CGGBP1: variants seen among roughly 807,000 people sequenced by gnomAD.
CGGBP1 encodes CGG triplet repeat binding protein 1.
CGGBP1 carries 4 observed loss-of-function variants against 11.4 expected under a neutral mutation model. The observed-to-expected ratio is 0.35, with a 90% CI of 0.17 to 0.80. The LOEUF is 0.80. CGGBP1 is among the 30% of genes least tolerant of loss of function. CGGBP1 has a pLI of 0.52. For synonymous variants in CGGBP1, 76 were observed against 74.1 expected, an observed-to-expected ratio of 1.03 and a Z score of -0.13; for missense variants, 135 against 202.1, an observed-to-expected ratio of 0.67 and a Z score of 2.01.
intron 2 of CGGBP1, among the ~76,000 whole-genome samples, chr3:88,091,240 A>C (rs1414411419): frequency 2.0e-5 from 3 of 152,248 alleles, no homozygotes; most frequent in Non-Finnish European, 4.4e-5. Context: ...TCAGAACCAC[A>C]GAAGTGTTGG....
intron 2 of CGGBP1, chr3:88,129,857 G>A: frequency 7.3e-7 from 1 of 1,378,552 alleles, no homozygotes; most frequent in Non-Finnish European, 9.5e-7. Flanking sequence ...AAATTGAAAT[G>A]GTAAGATGGG....
chr3:88,144,944 T>C (rs2107918003), intron 1 of CGGBP1, among the ~76,000 whole-genome samples: 1 of 152,124 alleles, frequency 6.6e-6, no homozygotes, highest in South Asian at 2.1e-4. Context: ...GGTAAGTGGG[T>C]TCAGTGTGAT....
At chr3:88,082,114 C>G (rs1708107372) in intron 2 of CGGBP1, among the ~76,000 whole-genome samples, 1 of 151,658 alleles carries the variant, frequency 6.6e-6, no homozygotes, top group Non-Finnish European at 1.5e-5. Context: ...GACACGTCTT[C>G]TGGTTTGTTA....
chr3:88,074,343 A>ATT (rs1707680670), intron 2 of CGGBP1, among the ~76,000 whole-genome samples: 2 of 53,908 alleles, frequency 3.7e-5, no homozygotes, highest in Non-Finnish European at 9.7e-5. Flanking sequence ...TTTATATCTT[A>ATT]CTTTTTTTTT....
upstream of CGGBP1, chr3:88,059,021 C>T: frequency 2.3e-6 from 1 of 433,454 alleles, no homozygotes; most frequent in Non-Finnish European, 4.0e-6. Flanking sequence ...AGCCCGTAGG[C>T]GGTCCCCAGC....
In CGGBP1 at chr3:88,093,812, G is replaced by C. The variant is rs570639453; in HGVS notation, c.-228-35589C>G. Reference sequence around the variant, plus strand: ...TTTCAACTAATTTAGGAAATGACTTGGAAATAAAGGAAGAAAGGCTAATTA... The same window carrying C: ...TTTCAACTAATTTAGGAAATGACTTCGAAATAAAGGAAGAAAGGCTAATTA... On this transcript the variant is annotated intron_variant, in intron 2 of 3. Transcript: ENST00000462901. Among the ~76,000 whole-genome samples, 3 of 152,258 alleles carry C rather than the reference G, an allele frequency of 2.0e-5. No homozygotes were observed. The South Asian group carries it at 6.2e-4, about 32-fold the overall frequency.
rs1229744501 is a variant in CGGBP1 at position 88,140,162 on chromosome 3, G to C, written c.-229+808C>G. Reference sequence around the variant, plus strand: ...ACGAGTCGTTTAAGCTGCCGTTCCAGCTTGCCCAGCACACAAAAAGTCACA... The same window carrying C: ...ACGAGTCGTTTAAGCTGCCGTTCCACCTTGCCCAGCACACAAAAAGTCACA... On this transcript the variant is annotated intron_variant, in intron 2 of 3. Transcript: ENST00000462901. 4 of 1,613,744 alleles carry C rather than the reference G, an allele frequency of 2.5e-6. No individual in the cohort carries two copies. The South Asian group carries it at 3.3e-5, about 13-fold the overall frequency.
At position 88,106,857 on chromosome 3, in the gene CGGBP1, A is replaced by C. The variant is rs560164853; in HGVS notation, c.-229+34113T>G. Among the ~76,000 whole-genome samples, 6 of 152,268 alleles carry C rather than the reference A, an allele frequency of 3.9e-5. No individual in the cohort carries two copies. In the South Asian group the frequency reaches 1.2e-3, roughly 32 times the overall value. ...TATAATTTTTAACATTTGGCTGTCC[A>C]GTATGAAGAAGTGAATTTTTCCCTG... On this transcript the variant is annotated intron_variant, in intron 2 of 3. Coordinates refer to the CGGBP1 transcript ENST00000462901.
chr3:88,114,965 C>T (rs1334862298), intron 2 of CGGBP1, among the ~76,000 whole-genome samples: 1 of 152,206 alleles, frequency 6.6e-6, no homozygotes, highest in Non-Finnish European at 1.5e-5. Flanking sequence ...ATAAATTATA[C>T]TGTGCAAGTT....
rs553674284 is a variant in CGGBP1 at position 88,118,831 on chromosome 3, T to G, written c.-229+22139A>C. ...ACTGTGTGACAAATCAAAACCACAA[T>G]GAGATACCATCTCACACCAGTTAGA... On this transcript the variant is annotated intron_variant, in intron 2 of 3. Coordinates refer to the CGGBP1 transcript ENST00000462901. Among the ~76,000 whole-genome samples the G allele has an allele frequency of 1.3e-3, 194 of 152,160 alleles. 1 individual carries two copies. Among genetic ancestry groups the G allele is most frequent in the Non-Finnish European group, 1.7e-3 (116 of 67,990 alleles).
chr3:88,084,303 A>G lies in CGGBP1; in HGVS notation c.-228-26080T>C, dbSNP rs149915139. On this transcript the variant is annotated intron_variant, in intron 2 of 3. Transcript: ENST00000462901. ...GGAGCAGATAAGGTTGCAAGTAAAC[A>G]TGGACTGGGAACAAGAAAAATGTGA... Among the ~76,000 whole-genome samples, 811 of 152,300 alleles carry G rather than the reference A, an allele frequency of 5.3e-3. 5 individuals carry two copies. The highest frequency in any genetic ancestry group is 0.017 in the African/African-American group (697 of 41,570).
At chr3:88,146,458 T>C (rs779254352) in intron 1 of CGGBP1, among the ~76,000 whole-genome samples, 7 of 152,224 alleles carry the variant, frequency 4.6e-5, no homozygotes, top group Admixed American at 2.0e-4. Flanking sequence ...TGTTGTTTTT[T>C]GCTCAAGTTG....
intron 2 of CGGBP1, among the ~76,000 whole-genome samples, chr3:88,088,113 A>C (rs1267540150): frequency 6.6e-6 from 1 of 152,230 alleles, no homozygotes; most frequent in Non-Finnish European, 1.5e-5. Context: ...ATATAAATTA[A>C]ATAACCTTGG....
intron 2 of CGGBP1, chr3:88,139,628 C>T: frequency 6.2e-7 from 1 of 1,613,374 alleles, no homozygotes; most frequent in Non-Finnish European, 8.5e-7. Flanking sequence ...ACAAAGAAGT[C>T]ATCCCTGAGC....
intron 1 of CGGBP1, 137 bp downstream of exon 1, chr3:88,058,678 C>G (rs1040935796): frequency 1.3e-5 from 2 of 152,300 alleles, no homozygotes; most frequent in African/African-American, 2.4e-5. Context: ...GTCAAGCTTC[C>G]CGTCTCCTCC....
rs139885881 is a variant in CGGBP1, at chr3:88,088,744, T to G, written c.-228-30521A>C. On this transcript the variant is annotated intron_variant, in intron 2 of 3. Transcript: ENST00000462901. ...AGGCAGTTTAAAAAAAAACCTTTAT[T>G]TATGTATGTATGTATGTATGGATGG... 3.2e-3 allele frequency among the ~76,000 whole-genome samples: 474 copies of G among 148,626 alleles called. 3 individuals are homozygous for G. The highest frequency in any genetic ancestry group is 5.4e-3 in the Non-Finnish European group (360 of 67,284).
At chr3:88,065,935 A>G (rs1707173184) in intron 2 of CGGBP1, among the ~76,000 whole-genome samples, 1 of 152,148 alleles carries the variant, frequency 6.6e-6, no homozygotes, top group Non-Finnish European at 1.5e-5. Flanking sequence ...AGGTTTTACC[A>G]TGATCTGCAG....
At chr3:88,085,257 G>A (rs2107658303) in intron 2 of CGGBP1, among the ~76,000 whole-genome samples, 1 of 152,230 alleles carries the variant, frequency 6.6e-6, no homozygotes, top group East Asian at 1.9e-4. Flanking sequence ...AAATATTTAA[G>A]GCTTTGTAAG....
rs1706497168 is a variant in CGGBP1, at chr3:88,054,522, T to C, written c.*951A>G. Reference sequence around the variant, plus strand: ...GTAAACTTGTTTCTAGTCTAGACTATTCACCTAAATAAACTCATAAAGTTG... The same window carrying C: ...GTAAACTTGTTTCTAGTCTAGACTACTCACCTAAATAAACTCATAAAGTTG... On this transcript the variant is annotated 3_prime_UTR_variant, in exon 4 of 4. Transcript: ENST00000482016. 6.6e-6 allele frequency: 1 copy of C among 152,308 alleles called. No individual in the cohort carries two copies. The highest frequency in any genetic ancestry group is 2.1e-4 in the South Asian group (1 of 4,828). 9.4% of individuals were successfully genotyped at this position (152,308 alleles called of 1,614,324 possible).
Sources: gnomAD v4.1 joint callset for allele counts (sites outside exome capture counted in the v4.1 genomes callset) on GRCh38, gnomAD v4.1.1 for gene constraint, MANE v1.5 for transcripts, NCBI Gene and HGNC (gene_info 2026-07-23, HGNC 2026-07-21) for gene names.